Variants in SGCZ observed in about 807,000 individuals in gnomAD.
SGCZ encodes zeta-sarcoglycan.
A neutral mutation model predicts 41.3 loss-of-function variants in SGCZ; 40 were observed. The ratio of observed to expected loss-of-function variants is 0.97; its 90% CI spans 0.75 to 1.26. SGCZ has a LOEUF of 1.26. Among genes scored for constraint, SGCZ ranks in the 50% most tolerant of loss-of-function variants. The pLI is 0.00. For missense variants in SGCZ, 552 were observed against 369.8 expected (o/e 1.49, Z -4.04); for synonymous variants, 206 against 137.5 (o/e 1.50, Z -3.49).
At chr8:15,120,037 G>T (rs576060852) in intron 1 of SGCZ, among the ~76,000 whole-genome samples, 2 of 152,208 alleles carry the variant, frequency 1.3e-5, no homozygotes, top group South Asian at 4.1e-4. Flanking sequence ...TTTTCCAGGA[G>T]TCTTGCTATG....
chr8:14,486,317 C>T (rs1197894047), intron 2 of SGCZ, among the ~76,000 whole-genome samples: 2 of 152,040 alleles, frequency 1.3e-5, no homozygotes, highest in Non-Finnish European at 2.9e-5. Flanking sequence ...TAGTAAGAAC[C>T]ACTAAATACG....
chr8:14,926,165 A>T (rs1283505254), intron 1 of SGCZ, among the ~76,000 whole-genome samples: 1 of 152,242 alleles, frequency 6.6e-6, no homozygotes, highest in Non-Finnish European at 1.5e-5. Context: ...TTTTTCAGCA[A>T]CATAGATATT....
At chr8:15,021,617 C>T (rs762112119) in intron 1 of SGCZ, among the ~76,000 whole-genome samples, 6 of 152,188 alleles carry the variant, frequency 3.9e-5, no homozygotes, top group African/African-American at 7.2e-5. Flanking sequence ...CTAACAGTTA[C>T]GGAGAACACT....
At chr8:14,752,513 G>C (rs1049517735) in intron 1 of SGCZ, among the ~76,000 whole-genome samples, 1 of 151,882 alleles carries the variant, frequency 6.6e-6, no homozygotes, top group African/African-American at 2.4e-5. Context: ...GTAATAATTG[G>C]TTTATTCATT....
chr8:14,542,959 A>C (rs902896274), intron 2 of SGCZ, among the ~76,000 whole-genome samples: 2 of 151,982 alleles, frequency 1.3e-5, no homozygotes, highest in African/African-American at 4.8e-5. Context: ...AAACTTCTTC[A>C]AATTCATTCA....
intron 4 of SGCZ, among the ~76,000 whole-genome samples, chr8:14,167,209 A>G (rs375769767): frequency 6.6e-6 from 1 of 152,170 alleles, no homozygotes; most frequent in Non-Finnish European, 1.5e-5. Flanking sequence ...AACTGATTTT[A>G]TTATATTCTA....
chr8:14,302,997 C>T (rs1296173835), intron 3 of SGCZ, among the ~76,000 whole-genome samples: 1 of 152,162 alleles, frequency 6.6e-6, no homozygotes, highest in Admixed American at 6.5e-5. Context: ...TGCTCAGGGC[C>T]TCCTTTGCTC....
chr8:14,593,268 G>C (rs189600734), intron 1 of SGCZ, among the ~76,000 whole-genome samples: 1 of 152,276 alleles, frequency 6.6e-6, no homozygotes, highest in East Asian at 1.9e-4. Context: ...GATAGACAAT[G>C]ATGAGAGAAG....
chr8:14,306,449 G>C (rs951915721), intron 3 of SGCZ, among the ~76,000 whole-genome samples: 15 of 152,048 alleles, frequency 9.9e-5, no homozygotes, highest in African/African-American at 3.6e-4. Context: ...TAATTTCTCT[G>C]TAAAATCATT....
chr8:14,506,139 C>T (rs1802298470), intron 2 of SGCZ, among the ~76,000 whole-genome samples: 1 of 152,002 alleles, frequency 6.6e-6, no homozygotes, highest in Admixed American at 6.6e-5. Flanking sequence ...AGTTCAAGAC[C>T]AGCCTGGCAA....
intron 2 of SGCZ, among the ~76,000 whole-genome samples, chr8:14,436,171 T>C (rs1004345947): frequency 6.6e-6 from 1 of 152,150 alleles, no homozygotes; most frequent in Non-Finnish European, 1.5e-5. Context: ...CCCCGACCTC[T>C]TGCCAGTGTT....
At chr8:14,110,204 T>C (rs973184517) in intron 5 of SGCZ, among the ~76,000 whole-genome samples, 1 of 152,106 alleles carries the variant, frequency 6.6e-6, no homozygotes, top group Non-Finnish European at 1.5e-5. Flanking sequence ...GATATACATT[T>C]GTATATCTCA....
At chr8:14,744,049 G>A (rs1197644524) in intron 1 of SGCZ, among the ~76,000 whole-genome samples, 2 of 152,086 alleles carry the variant, frequency 1.3e-5, no homozygotes, top group African/African-American at 4.8e-5. Flanking sequence ...ACAGTTACAG[G>A]CTGTTGAATA....
intron 2 of SGCZ, among the ~76,000 whole-genome samples, chr8:14,543,489 A>G (rs746399954): frequency 3.0e-4 from 45 of 152,120 alleles, no homozygotes; most frequent in Non-Finnish European, 5.6e-4. Flanking sequence ...AAGTAATTTA[A>G]AATACCCAGT....
chr8:14,910,868 A>C lies in SGCZ; in HGVS notation c.39+326717T>G, dbSNP rs1799262096. On this transcript the variant is annotated intron_variant, in intron 1 of 7. Transcript: ENST00000382080. Reference sequence around the variant, plus strand: ...ACCAGATGGCTTTTTCAGAAGCAAAAGTTGAATACATCCTAGAAGATATAT... The same window carrying C: ...ACCAGATGGCTTTTTCAGAAGCAAACGTTGAATACATCCTAGAAGATATAT... Among the ~76,000 whole-genome samples the C allele has an allele frequency of 2.0e-5, 3 of 151,980 alleles. 1 individual carries two copies. The highest frequency in any genetic ancestry group is 2.0e-4 in the Admixed American group (3 of 15,264).
At chr8:15,063,943 C>A (rs1218380175) in intron 1 of SGCZ, among the ~76,000 whole-genome samples, 1 of 152,172 alleles carries the variant, frequency 6.6e-6, no homozygotes, top group Non-Finnish European at 1.5e-5. Flanking sequence ...CTACACATCA[C>A]ACACAAAAAT....
At chr8:14,148,666 G>T (rs1372875818) in intron 5 of SGCZ, among the ~76,000 whole-genome samples, 1 of 152,030 alleles carries the variant, frequency 6.6e-6, no homozygotes, top group Non-Finnish European at 1.5e-5. Flanking sequence ...GGAAGAAGAG[G>T]AAATACTTCC....
chr8:15,097,538 C>T (rs75330599), intron 1 of SGCZ, among the ~76,000 whole-genome samples: 2,260 of 151,644 alleles, frequency 0.015, 65 homozygotes, highest in East Asian at 0.12. Context: ...TAGTTGAATG[C>T]CAGGAGTTTG....
chr8:14,180,586 T>C (rs1176242354), intron 4 of SGCZ, among the ~76,000 whole-genome samples: 1 of 152,078 alleles, frequency 6.6e-6, no homozygotes, highest in Admixed American at 6.5e-5. Context: ...AAAACCGAAT[T>C]GCCAGTACTG....
Sources: allele counts gnomAD v4.1 joint callset (sites outside exome capture counted in the v4.1 genomes callset), GRCh38; gene constraint gnomAD v4.1.1; transcripts MANE v1.5; gene names NCBI Gene and HGNC (gene_info 2026-07-23, HGNC 2026-07-21).